Variants in TRPC1 observed in about 807,000 individuals in gnomAD.
TRPC1 encodes the protein short transient receptor potential channel 1.
In TRPC1, 42 loss-of-function variants were observed where a neutral mutation model predicts 88.2. The observed-to-expected ratio is 0.48, with a 90% CI of 0.37 to 0.62. TRPC1 has a LOEUF of 0.62. TRPC1 is among the 20% of genes least tolerant of loss of function. The pLI, the probability that TRPC1 is intolerant of heterozygous loss-of-function variation, is 0.00. For missense variants in TRPC1, 699 were observed against 957.3 expected (o/e 0.73, Z 3.56); for synonymous variants, 288 against 331.8 (o/e 0.87, Z 1.43).
chr3:142,801,122 T>G (rs1936606663), intron 9 of TRPC1: 1 of 152,084 alleles, frequency 6.6e-6, no homozygotes, highest in African/African-American at 2.4e-5. Context: ...TTTTATACCC[T>G]GCTTTTTGGA....
chr3:142,751,500 G>A (rs1428046768), intron 4 of TRPC1, among the ~76,000 whole-genome samples: 3 of 152,136 alleles, frequency 2.0e-5, no homozygotes, highest in Admixed American at 2.0e-4. Flanking sequence ...TTCAGTTAAT[G>A]ATGTTCGCAA....
Position 142,806,792 on chromosome 3 carries a change from A to G in TRPC1, c.*557A>G, listed in dbSNP as rs2108172904. On this transcript the variant is annotated 3_prime_UTR_variant, in exon 13 of 13. Coordinates refer to ENST00000476941, the MANE Select transcript of TRPC1 (RefSeq NM_001251845.2). Reference sequence around the variant, plus strand: ...AGAAAAAACCCTAATATTTGAATCTATTTATGTCTTTCAATTTAAATTCAC... The same window carrying G: ...AGAAAAAACCCTAATATTTGAATCTGTTTATGTCTTTCAATTTAAATTCAC... 6.6e-6 allele frequency: 1 copy of G among 152,126 alleles called. No individual in the cohort carries two copies. Among genetic ancestry groups the G allele is most frequent in the Non-Finnish European group, 1.5e-5 (1 of 67,952 alleles). 9.4% of individuals were successfully genotyped at this position (152,126 alleles called of 1,614,324 possible).
rs1451408103 is a variant in TRPC1, at chr3:142,807,451, A to G, written c.*1216A>G. On this transcript the variant is annotated 3_prime_UTR_variant, in exon 13 of 13. Transcript: ENST00000476941. Reference sequence around the variant, plus strand: ...TATTATATATTCTCGCAGCATTTCCAGTTAAGAGGATATTAGGTATATAAT... The same window carrying G: ...TATTATATATTCTCGCAGCATTTCCGGTTAAGAGGATATTAGGTATATAAT... 6.6e-6 allele frequency: 1 copy of G among 152,244 alleles called. No homozygotes were observed. The highest frequency in any genetic ancestry group is 1.5e-5 in the Non-Finnish European group (1 of 68,038). The allele number at this position is 152,244 out of a possible 1,614,324, so 9.4% of individuals were successfully genotyped here.
At chr3:142,736,779 C>T (rs1191704275) in intron 2 of TRPC1, among the ~76,000 whole-genome samples, 7 of 152,006 alleles carry the variant, frequency 4.6e-5, no homozygotes, top group African/African-American at 1.7e-4. Flanking sequence ...TCTTTTTCCT[C>T]CCAAATGTCA....
intron 4 of TRPC1, among the ~76,000 whole-genome samples, chr3:142,752,129 A>G (rs1007992564): frequency 3.3e-5 from 5 of 152,156 alleles, no homozygotes; most frequent in Admixed American, 6.5e-5. Context: ...AGACACAGAG[A>G]CAAAGTATAA....
intron 3 of TRPC1, among the ~76,000 whole-genome samples, chr3:142,745,676 C>T (rs999650062): frequency 9.9e-5 from 15 of 152,260 alleles, no homozygotes; most frequent in African/African-American, 2.9e-4. Flanking sequence ...ACACTTTCTA[C>T]TCTGTCTCTA....
At chr3:142,728,967 G>A (rs1023045270) in intron 1 of TRPC1, among the ~76,000 whole-genome samples, 21 of 152,122 alleles carry the variant, frequency 1.4e-4, no homozygotes, top group Non-Finnish European at 2.9e-4. Context: ...GCAGAAATGA[G>A]AGGTAAAGAG....
At chr3:142,758,998 C>T (rs1460089191) in intron 4 of TRPC1, among the ~76,000 whole-genome samples, 2 of 152,110 alleles carry the variant, frequency 1.3e-5, no homozygotes, top group Non-Finnish European at 2.9e-5. Flanking sequence ...CTACAAAGGA[C>T]ATGAACTCAT....
Position 142,806,212 on chromosome 3 carries a change from G to A in TRPC1, c.2359G>A (p.Ala787Thr), listed in dbSNP as rs1264546258. The A allele has an allele frequency of 6.2e-7, 1 of 1,607,892 alleles. No homozygotes were observed. Among genetic ancestry groups the A allele is most frequent in the Non-Finnish European group, 8.5e-7 (1 of 1,175,160 alleles). The change falls in exon 13 of 13, where the codon GCT (alanine) becomes ACT (threonine). Residue 787 changes from alanine to threonine, a missense_variant. Coordinates refer to ENST00000476941, the MANE Select transcript of TRPC1 (RefSeq NM_001251845.2). ...ACTTGGCTTTCGGACTTCTAAATAT[G>A]CTATGTTTTATCCAAGAAATTAACC... ...DLLGFRTSKYAMFYPRN is the reference protein window; with the variant it reads ...DLLGFRTSKYTMFYPRN
At chr3:142,755,722 A>T (rs76237319) in intron 4 of TRPC1, among the ~76,000 whole-genome samples, 267 of 152,324 alleles carry the variant, frequency 1.8e-3, no homozygotes, top group Middle Eastern at 0.01. Context: ...GTGTGGGTGA[A>T]ACCAAAACCC....
intron 6 of TRPC1, among the ~76,000 whole-genome samples, chr3:142,783,651 T>C (rs189892765): frequency 2.6e-5 from 4 of 152,316 alleles, no homozygotes; most frequent in African/African-American, 9.6e-5. Flanking sequence ...GGGCCAACTC[T>C]ACAGTATACT....
intron 2 of TRPC1, among the ~76,000 whole-genome samples, chr3:142,739,455 A>G (rs1934262968): frequency 6.6e-6 from 1 of 152,218 alleles, no homozygotes; most frequent in Non-Finnish European, 1.5e-5. Context: ...GGTAGGGAAC[A>G]GGAGATGTGG....
chr3:142,805,237 A>G (rs1402483104), intron 12 of TRPC1, among the ~76,000 whole-genome samples: 3 of 151,790 alleles, frequency 2.0e-5, no homozygotes, highest in Non-Finnish European at 4.4e-5. Context: ...CCTCCAATAT[A>G]TAAAATTTCA....
intron 1 of TRPC1, among the ~76,000 whole-genome samples, chr3:142,726,890 C>T (rs1490796166): frequency 6.6e-6 from 1 of 152,162 alleles, no homozygotes; most frequent in Non-Finnish European, 1.5e-5. Flanking sequence ...TTCATTTAAA[C>T]CCCACAACCC....
chr3:142,732,977 T>C (rs1933984757), intron 1 of TRPC1, among the ~76,000 whole-genome samples: 2 of 152,050 alleles, frequency 1.3e-5, no homozygotes, highest in Admixed American at 6.5e-5. Context: ...TTTTTTTTTT[T>C]TTGACATAGT....
chr3:142,735,463 A>G (rs1401629971), intron 1 of TRPC1, among the ~76,000 whole-genome samples: 1 of 152,212 alleles, frequency 6.6e-6, no homozygotes, highest in Non-Finnish European at 1.5e-5. Context: ...TAACAAGTCA[A>G]ATGAAACAAA....
At chr3:142,793,781 G>T in intron 9 of TRPC1, 1 of 842,826 alleles carries the variant, frequency 1.2e-6, no homozygotes, top group Non-Finnish European at 1.4e-6. Flanking sequence ...AATTTAGATT[G>T]TCTCATATTT....
Position 142,740,973 on chromosome 3 carries a change from G to A in TRPC1, c.328-2512G>A, listed in dbSNP as rs190066347. ...AGAGCATCAAATAGAATACTAAGGT[G>A]GAAAATGTAGCTTTGGAAAGGAAAT... On this transcript the variant is annotated intron_variant, in intron 2 of 12. Transcript: ENST00000476941. Among the ~76,000 whole-genome samples, 19 of 152,072 alleles carry A rather than the reference G, an allele frequency of 1.2e-4. 1 individual carries two copies. In the East Asian group the frequency reaches 3.5e-3, roughly 28 times the overall value.
intron 7 of TRPC1, 21 bp from the exon 8 acceptor site, chr3:142,790,998 T>C: frequency 3.2e-6 from 5 of 1,542,182 alleles, no homozygotes; most frequent in Non-Finnish European, 3.5e-6. Context: ...TGTTATCTGA[T>C]TTTTTTCTTC....
Sources: allele counts gnomAD v4.1 joint callset (sites outside exome capture counted in the v4.1 genomes callset), GRCh38; gene constraint gnomAD v4.1.1; transcripts MANE v1.5; gene names NCBI Gene and HGNC (gene_info 2026-07-23, HGNC 2026-07-21).